Variants in EDEM3 observed in about 807,000 individuals in gnomAD.
The protein encoded by EDEM3 is ER degradation enhancing alpha-mannosidase like protein 3.
A neutral mutation model predicts 110.2 loss-of-function variants in EDEM3; 60 were observed. The ratio of observed to expected loss-of-function variants is 0.54; its 90% CI spans 0.44 to 0.67. EDEM3 has a LOEUF of 0.67. Ranked by LOEUF, EDEM3 falls within the 30% of genes least tolerant of loss-of-function variation. The probability of loss-of-function intolerance (pLI) is 0.00; values close to 1 mark genes in which losing one functional copy is unlikely to be tolerated. For missense variants in EDEM3, 996 were observed against 1,121.0 expected (o/e 0.89, Z 1.59); for synonymous variants, 352 against 382.9 (o/e 0.92, Z 0.94).
At chr1:184,695,075 T>G (rs1489997291) in intron 19 of EDEM3, among the ~76,000 whole-genome samples, 1 of 152,070 alleles carries the variant, frequency 6.6e-6, no homozygotes, top group Non-Finnish European at 1.5e-5. Context: ...AATTATAAGA[T>G]ATAGTCATTT....
At chr1:184,735,768 C>G (rs1342049150) in intron 4 of EDEM3, among the ~76,000 whole-genome samples, 3 of 152,186 alleles carry the variant, frequency 2.0e-5, no homozygotes, top group African/African-American at 2.4e-5. Context: ...CAGGCACATA[C>G]AGTGCATCTA....
chr1:184,733,117 T>A, intron 5 of EDEM3, 127 bp from the exon 6 acceptor site: 1 of 944,754 alleles, frequency 1.1e-6, no homozygotes, highest in Non-Finnish European at 1.5e-6. Context: ...ACTTAAACAT[T>A]ATTTACTTAA....
chr1:184,698,997 C>T (rs561652105), intron 19 of EDEM3, among the ~76,000 whole-genome samples: 4 of 151,888 alleles, frequency 2.6e-5, no homozygotes, highest in African/African-American at 9.6e-5. Context: ...CCTGTTTTCA[C>T]CAGTATGTGA....
At position 184,739,313 on chromosome 1, in the gene EDEM3, C is replaced by T. The variant is rs1571411839; in HGVS notation, c.205-1602G>A. 2.7e-5 allele frequency among the ~76,000 whole-genome samples: 4 copies of T among 147,220 alleles called. No individual in the cohort carries two copies. The East Asian group carries it at 7.8e-4, about 29-fold the overall frequency. ...TTAATTATTAAAATAACTATTTTAT[C>T]ATTAAAATAATTAAGATTAAAAGTA... On this transcript the variant is annotated intron_variant, in intron 2 of 19. Transcript: ENST00000318130.
At chr1:184,726,224 C>T in intron 7 of EDEM3, 31 bp downstream of exon 7, 3 of 1,608,816 alleles carry the variant, frequency 1.9e-6, no homozygotes, top group Non-Finnish European at 1.7e-6. Context: ...ATGCCCAATA[C>T]CCAGGATATC....
intron 19 of EDEM3, chr1:184,701,421 T>C (rs1435276155): frequency 1.2e-6 from 1 of 855,568 alleles, no homozygotes; most frequent in Non-Finnish European, 1.5e-6. Context: ...ATTATATATG[T>C]ACTTGAGTGT....
At chr1:184,722,739 A>G (rs532009628) in intron 8 of EDEM3, among the ~76,000 whole-genome samples, 1 of 151,890 alleles carries the variant, frequency 6.6e-6, no homozygotes, top group East Asian at 1.9e-4. Flanking sequence ...TTATTTAAAT[A>G]TAGGCAGTTA....
chr1:184,732,780 A>G (rs563327392), intron 6 of EDEM3, 57 bp downstream of exon 6: 1 of 1,526,216 alleles, frequency 6.6e-7, no homozygotes, highest in East Asian at 2.3e-5. Context: ...ACAAAACTTC[A>G]TTTTGTAAAA....
At position 184,719,428 on chromosome 1, in the gene EDEM3, C is replaced by T. The variant is rs779151783; in HGVS notation, c.1077+15G>A. On this transcript the variant is annotated intron_variant, in intron 10 of 19. Coordinates refer to ENST00000318130, the MANE Select transcript of EDEM3 (RefSeq NM_025191.4). ...TCATCTTACATTCATATTAAGAAGA[C>T]AGAATTCTTTATACCTGCAAGCCTG... 20 of 1,604,810 alleles carry T rather than the reference C, an allele frequency of 1.2e-5. No individual in the cohort carries two copies. In the South Asian group the frequency reaches 2.1e-4, roughly 17 times the overall value.
intron 19 of EDEM3, among the ~76,000 whole-genome samples, chr1:184,696,150 A>C (rs1189732410): frequency 6.6e-6 from 1 of 151,924 alleles, no homozygotes; most frequent in African/African-American, 2.4e-5. Flanking sequence ...GCCATCAGAG[A>C]AGAGTAGAGA....
At chr1:184,694,961 T>C (rs1037659112) in intron 19 of EDEM3, among the ~76,000 whole-genome samples, 8 of 152,012 alleles carry the variant, frequency 5.3e-5, no homozygotes, top group Admixed American at 1.3e-4. Flanking sequence ...GCAGATAACA[T>C]AGATTTTTTT....
chr1:184,718,517 C>T (rs1466928972), intron 11 of EDEM3, among the ~76,000 whole-genome samples: 1 of 152,078 alleles, frequency 6.6e-6, no homozygotes, highest in South Asian at 2.1e-4. Flanking sequence ...GCTTAGATAT[C>T]TCACAGAGGG....
Position 184,749,598 on chromosome 1 carries a change from T to C in EDEM3, c.159-6A>G. 2 of 1,540,864 alleles carry C rather than the reference T, an allele frequency of 1.3e-6. No homozygotes were observed. The highest frequency in any genetic ancestry group is 1.8e-6 in the Non-Finnish European group (2 of 1,141,324). ...ACATTTCCAGTACTTGATTCCTAAT[T>C]TTAAAAGAGCAGAAATGGAAAAAAA... On this transcript the variant is annotated splice_polypyrimidine_tract_variant and splice_region_variant and intron_variant, in intron 1 of 19. Transcript: ENST00000318130.
At chr1:184,723,915 T>C (rs1651048757) in intron 7 of EDEM3, 59 bp from the exon 8 acceptor site, 3 of 1,302,748 alleles carry the variant, frequency 2.3e-6, no homozygotes, top group Non-Finnish European at 3.1e-6. Flanking sequence ...CTAAGTCTCT[T>C]TGGCAAATAG....
intron 8 of EDEM3, 137 bp from the exon 9 acceptor site, chr1:184,721,523 G>A: frequency 2.0e-6 from 1 of 501,024 alleles, no homozygotes; most frequent in East Asian, 3.5e-5. Context: ...ATTTGCCCTG[G>A]AACAGATAAT....
chr1:184,754,357 A>T, intron 1 of EDEM3, 132 bp downstream of exon 1: 1 of 1,412,076 alleles, frequency 7.1e-7, no homozygotes, highest in South Asian at 1.4e-5. Context: ...CCACCCCTCT[A>T]GGGTTCTCGC....
intron 2 of EDEM3, among the ~76,000 whole-genome samples, chr1:184,742,900 T>C (rs905626224): frequency 6.6e-6 from 1 of 152,220 alleles, no homozygotes; most frequent in Non-Finnish European, 1.5e-5. Context: ...ATCATTCAAA[T>C]GTTAATTAGG....
At chr1:184,718,013 TAA>T (rs1650649700) in intron 11 of EDEM3, among the ~76,000 whole-genome samples, 1 of 152,010 alleles carries the variant, frequency 6.6e-6, no homozygotes, top group Non-Finnish European at 1.5e-5. Flanking sequence ...AATCGACAAA[TAA>T]AAGTGACATA....
At chr1:184,708,742 A>G (rs560725420) in intron 16 of EDEM3, among the ~76,000 whole-genome samples, 2 of 152,242 alleles carry the variant, frequency 1.3e-5, no homozygotes, top group Non-Finnish European at 2.9e-5. Flanking sequence ...GATTCAAAAC[A>G]TATCTGTGAA....
Sources: allele counts gnomAD v4.1 joint callset (sites outside exome capture counted in the v4.1 genomes callset), GRCh38; gene constraint gnomAD v4.1.1; transcripts MANE v1.5; gene names NCBI Gene and HGNC (gene_info 2026-07-23, HGNC 2026-07-21).